Variants in KCNJ6 observed in about 807,000 individuals in gnomAD.
The protein encoded by KCNJ6 is G protein-activated inward rectifier potassium channel 2.
KCNJ6 carries 9 observed loss-of-function variants against 34.2 expected under a neutral mutation model. That is an observed-to-expected ratio of 0.26 (90% CI 0.16 to 0.46). The LOEUF (loss-of-function observed/expected upper bound fraction) is 0.46. KCNJ6 is among the 20% of genes least tolerant of loss of function. The pLI is 1.00. For synonymous variants in KCNJ6, 196 were observed against 207.1 expected (o/e 0.95, Z 0.46); for missense variants, 236 against 531.3 (o/e 0.44, Z 5.46).
chr21:37,797,104 C>T (rs1357282301), intron 2 of KCNJ6, among the ~76,000 whole-genome samples: 1 of 151,698 alleles, frequency 6.6e-6, no homozygotes, highest in Non-Finnish European at 1.5e-5. Flanking sequence ...CTTTGTTGCC[C>T]AGGCTGGAGT....
chr21:37,744,750 G>A (rs2054958672), intron 2 of KCNJ6, among the ~76,000 whole-genome samples: 2 of 152,184 alleles, frequency 1.3e-5, no homozygotes, highest in African/African-American at 4.8e-5. Flanking sequence ...TGGAGTATGT[G>A]TCATAGGGAA....
chr21:37,698,169 C>T (rs1414132860), intron 3 of KCNJ6, among the ~76,000 whole-genome samples: 2 of 152,224 alleles, frequency 1.3e-5, no homozygotes, highest in Non-Finnish European at 2.9e-5. Flanking sequence ...TCAATTTTAT[C>T]TTCCTCCCAA....
intron 1 of KCNJ6, among the ~76,000 whole-genome samples, chr21:37,878,879 C>T (rs2055692500): frequency 6.6e-6 from 1 of 152,146 alleles, no homozygotes; most frequent in Non-Finnish European, 1.5e-5. Flanking sequence ...AAATGGCGAT[C>T]CCGTGTGATG....
chr21:37,863,390 G>A (rs1007435191), intron 1 of KCNJ6, among the ~76,000 whole-genome samples: 5 of 151,972 alleles, frequency 3.3e-5, no homozygotes, highest in African/African-American at 7.3e-5. Flanking sequence ...GATGGGTATC[G>A]CACAGGTACC....
chr21:37,681,569 TGTTG>T (rs5843848), intron 3 of KCNJ6, among the ~76,000 whole-genome samples: 44,851 of 151,966 alleles, frequency 0.3, 6,990 homozygotes, highest in Middle Eastern at 0.37. Flanking sequence ...TGCACATGCT[TGTTG>T]GTTTCACTCG....
intron 1 of KCNJ6, among the ~76,000 whole-genome samples, chr21:37,877,722 G>A (rs2055685976): frequency 6.6e-6 from 1 of 152,144 alleles, no homozygotes; most frequent in African/African-American, 2.4e-5. Context: ...GGTGGCCTTT[G>A]AGGACACTTG....
intron 2 of KCNJ6, among the ~76,000 whole-genome samples, chr21:37,737,751 C>T (rs1034881128): frequency 2.3e-4 from 35 of 152,338 alleles, no homozygotes; most frequent in African/African-American, 7.9e-4. Context: ...TGGTTTGGGA[C>T]AGTTGCTGCA....
chr21:37,799,790 T>C (rs1430344030), intron 2 of KCNJ6, among the ~76,000 whole-genome samples: 1 of 152,224 alleles, frequency 6.6e-6, no homozygotes, highest in Non-Finnish European at 1.5e-5. Flanking sequence ...AAATGTGGTT[T>C]AGTTTGGGCA....
At chr21:37,720,019 C>T (rs117651163) in intron 2 of KCNJ6, among the ~76,000 whole-genome samples, 1,619 of 152,050 alleles carry the variant, frequency 0.011, 25 homozygotes, top group Non-Finnish European at 0.013. Context: ...TTGAGAAAAA[C>T]AGGATAGATC....
At chr21:37,911,318 T>TCC (rs397751880) in intron 1 of KCNJ6, among the ~76,000 whole-genome samples, 1 of 152,042 alleles carries the variant, frequency 6.6e-6, no homozygotes, top group Non-Finnish European at 1.5e-5. Flanking sequence ...AAAAGAAAAC[T>TCC]AACTCAACAA....
At chr21:37,713,839 CCTCCTT>C (rs2054775755) in intron 3 of KCNJ6, among the ~76,000 whole-genome samples, 1 of 152,126 alleles carries the variant, frequency 6.6e-6, no homozygotes. Context: ...GGCTTAACTT[CCTCCTT>C]CTAACTTGGT....
Position 37,622,118 on chromosome 21 carries a change from A to T in KCNJ6, c.*3041T>A, listed in dbSNP as rs2054291699. On this transcript the variant is annotated 3_prime_UTR_variant, in exon 4 of 4. Transcript: ENST00000609713. ...CAACTGTGGCAAACCATAACCCTTA[A>T]ATTCCAAATTCTTATCTGGCTCACG... 1 of 152,180 alleles carries T rather than the reference A, an allele frequency of 6.6e-6. No individual in the cohort carries two copies. The highest frequency in any genetic ancestry group is 2.4e-5 in the African/African-American group (1 of 41,444). 9.4% of individuals were successfully genotyped at this position (152,180 alleles called of 1,614,324 possible).
At chr21:37,849,721 G>A (rs889985864) in intron 1 of KCNJ6, among the ~76,000 whole-genome samples, 11 of 152,014 alleles carry the variant, frequency 7.2e-5, no homozygotes, top group East Asian at 5.8e-4. Flanking sequence ...TTTCACTTCC[G>A]TTTGACATTC....
At chr21:37,838,237 C>T (rs2055461711) in intron 2 of KCNJ6, among the ~76,000 whole-genome samples, 1 of 152,140 alleles carries the variant, frequency 6.6e-6, no homozygotes, top group African/African-American at 2.4e-5. Flanking sequence ...AACCTGAAAC[C>T]TAAAACCAAT....
At chr21:37,897,096 T>A (rs2055792509) in intron 1 of KCNJ6, among the ~76,000 whole-genome samples, 1 of 152,192 alleles carries the variant, frequency 6.6e-6, no homozygotes, top group Non-Finnish European at 1.5e-5. Context: ...TGCTAAGGTA[T>A]TTAAACAGCA....
intron 2 of KCNJ6, among the ~76,000 whole-genome samples, chr21:37,835,943 G>A (rs2055449501): frequency 6.6e-6 from 1 of 152,144 alleles, no homozygotes. Context: ...ATTTCAAAGG[G>A]TAGTGTTAAA....
chr21:37,810,912 C>T (rs2055319517), intron 2 of KCNJ6, among the ~76,000 whole-genome samples: 1 of 152,078 alleles, frequency 6.6e-6, no homozygotes, highest in Admixed American at 6.6e-5. Flanking sequence ...GTTCCTAATC[C>T]TTGTAATTTC....
chr21:37,721,497 A>C (rs1423847090), intron 2 of KCNJ6, among the ~76,000 whole-genome samples: 2 of 152,242 alleles, frequency 1.3e-5, no homozygotes, highest in Admixed American at 6.5e-5. Flanking sequence ...CATTCTCCAC[A>C]GCAGTGAAAA....
intron 2 of KCNJ6, among the ~76,000 whole-genome samples, chr21:37,747,605 C>A (rs78060011): frequency 1.3e-5 from 2 of 151,952 alleles, no homozygotes; most frequent in Non-Finnish European, 2.9e-5. Context: ...AGTGTCATCA[C>A]AAGAGTCCTT....
Sources: gnomAD v4.1 joint callset for allele counts (sites outside exome capture counted in the v4.1 genomes callset) on GRCh38, gnomAD v4.1.1 for gene constraint, MANE v1.5 for transcripts, NCBI Gene and HGNC (gene_info 2026-07-23, HGNC 2026-07-21) for gene names.